The following EPS15 variants were observed in gnomAD, a reference collection of about 807,000 sequenced individuals.
EPS15 encodes the protein epidermal growth factor receptor substrate 15.
EPS15 carries 72 observed loss-of-function variants against 113.8 expected under a neutral mutation model. The ratio of observed to expected loss-of-function variants is 0.63; its 90% confidence interval spans 0.52 to 0.77. EPS15 has a LOEUF of 0.77. Ranked by LOEUF, EPS15 falls within the 30% of genes least tolerant of loss-of-function variation. The pLI is 0.00. For synonymous variants in EPS15, 344 were observed against 363.4 expected, an observed-to-expected ratio of 0.95 and a Z score of 0.61; for missense variants, 1,048 against 1,045.8, an observed-to-expected ratio of 1.00 and a Z score of -0.03.
At chr1:51,415,796 CAAAAAAAAAAAAA>C (rs55806131) in intron 13 of EPS15, among the ~76,000 whole-genome samples, 25 of 21,968 alleles carry the variant, frequency 1.1e-3, no homozygotes, top group African/African-American at 3.9e-3. Flanking sequence ...AACTCCGTCT[CAAAAAAAAAAAAA>C]AAAAAAAAAA....
intron 1 of EPS15, among the ~76,000 whole-genome samples, chr1:51,481,638 C>A (rs1213236134): frequency 6.6e-6 from 1 of 152,152 alleles, no homozygotes; most frequent in Admixed American, 6.5e-5. Context: ...TCTCTAAAGC[C>A]AGTTGAGAGG....
intron 2 of EPS15, among the ~76,000 whole-genome samples, chr1:51,479,541 A>G (rs1643982126): frequency 6.6e-6 from 1 of 151,692 alleles, no homozygotes; most frequent in Non-Finnish European, 1.5e-5. Context: ...AGGTGCTCTG[A>G]TTTTTAGAAT....
chr1:51,450,825 T>C (rs116401517), intron 8 of EPS15, among the ~76,000 whole-genome samples: 4,835 of 151,994 alleles, frequency 0.032, 136 homozygotes, highest in Non-Finnish European at 0.05. Flanking sequence ...TAAAAAATTA[T>C]GGTATACTCT....
Position 51,405,983 on chromosome 1 carries a change from G to A in EPS15, c.1599C>T (p.Ser533=). 8 of 1,614,162 alleles carry A rather than the reference G, an allele frequency of 5.0e-6. No homozygotes were observed. Among genetic ancestry groups the A allele is most frequent in the Non-Finnish European group, 6.8e-6 (8 of 1,180,018 alleles). The change falls in exon 16 of 25, where the codon AGC becomes AGT. Residue 533 remains serine, a synonymous_variant. Transcript: ENST00000371733. The stretch of plus-strand genomic sequence containing the variant: ...GTTCATTAAGGTTGGCTGTTTCACT[G>A]CTGCTGGTGCTGAGGCTGCAATAAT... The part of the protein sequence containing the change: ...ATDYCSLSTS[S]SETANLNEHV...
chr1:51,450,860 A>G (rs1653489717), intron 8 of EPS15, among the ~76,000 whole-genome samples: 1 of 151,966 alleles, frequency 6.6e-6, no homozygotes, highest in South Asian at 2.1e-4. Flanking sequence ...AGGTAAAAAA[A>G]TTATTTTTAA....
chr1:51,386,960 T>C (rs1647095492), intron 21 of EPS15, among the ~76,000 whole-genome samples: 2 of 151,938 alleles, frequency 1.3e-5, no homozygotes, highest in African/African-American at 4.8e-5. Flanking sequence ...ATTCAGGAAA[T>C]ACAGAGAACG....
At chr1:51,396,294 GTACAGGC>G (rs1220064412) in intron 20 of EPS15, among the ~76,000 whole-genome samples, 1 of 152,188 alleles carries the variant, frequency 6.6e-6, no homozygotes, top group Non-Finnish European at 1.5e-5. Flanking sequence ...AAGTCACCAA[GTACAGGC>G]TGAGCATCCT....
chr1:51,500,436 C>T (rs545224342), intron 1 of EPS15, among the ~76,000 whole-genome samples: 30 of 152,276 alleles, frequency 2.0e-4, no homozygotes, highest in Non-Finnish European at 3.4e-4. Context: ...CATTTCTCCA[C>T]GTCTTCATCA....
chr1:51,494,533 C>T (rs1198999579), intron 1 of EPS15, among the ~76,000 whole-genome samples: 1 of 152,236 alleles, frequency 6.6e-6, no homozygotes, highest in Non-Finnish European at 1.5e-5. Context: ...TTCTTTGATG[C>T]TGCAGCTGAG....
chr1:51,461,153 TA>T lies in EPS15; in HGVS notation c.502-4del, dbSNP rs1557491936. 1 of 1,585,806 alleles carries T rather than the reference TA, an allele frequency of 6.3e-7. No individual in the cohort carries two copies. Among genetic ancestry groups the T allele is most frequent in the Non-Finnish European group, 8.7e-7 (1 of 1,154,572 alleles). Reference sequence around the variant, plus strand: ...TCAATATCACTCAACTCCCAAACCTTAAAAAGAGAATAATTGAAAAAAGATT... The same window carrying T: ...TCAATATCACTCAACTCCCAAACCTTAAAAGAGAATAATTGAAAAAAGATT... On this transcript the variant is annotated splice_region_variant and splice_polypyrimidine_tract_variant and intron_variant, in intron 7 of 24. Transcript: ENST00000371733.
chr1:51,426,837 C>CTCTCTCTATATATA (rs377211027), intron 12 of EPS15, among the ~76,000 whole-genome samples: 153 of 143,640 alleles, frequency 1.1e-3, no homozygotes, highest in African/African-American at 3.9e-3. Context: ...CTCTCTCTCT[C>CTCTCTCTATATATA]TATATATATA....
chr1:51,370,728 C>T (rs990222176), intron 21 of EPS15, among the ~76,000 whole-genome samples: 38 of 151,598 alleles, frequency 2.5e-4, no homozygotes, highest in Non-Finnish European at 4.0e-4. Flanking sequence ...TCAAGCAATT[C>T]TCCTGCCTCA....
intron 1 of EPS15, among the ~76,000 whole-genome samples, chr1:51,506,238 T>C (rs1362089996): frequency 2.0e-5 from 3 of 152,198 alleles, no homozygotes; most frequent in Non-Finnish European, 4.4e-5. Flanking sequence ...TTTTTGGAAT[T>C]GGTAGATGGC....
intron 1 of EPS15, among the ~76,000 whole-genome samples, chr1:51,482,110 C>T (rs958998759): frequency 2.0e-5 from 3 of 151,966 alleles, no homozygotes; most frequent in Non-Finnish European, 4.4e-5. Context: ...GTTGTGGCTG[C>T]GGTGAGCTGT....
Position 51,354,655 on chromosome 1 carries a change from A to G in EPS15, c.*2045T>C, listed in dbSNP as rs1646179643. Reference sequence around the variant, plus strand: ...TCAACAACATAAAATACCACAAACGACTCTAAGACATTCATCCTACACAAG... The same window carrying G: ...TCAACAACATAAAATACCACAAACGGCTCTAAGACATTCATCCTACACAAG... On this transcript the variant is annotated 3_prime_UTR_variant, in exon 25 of 25. Coordinates refer to ENST00000371733, the MANE Select transcript of EPS15 (RefSeq NM_001981.3). 5.4e-6 allele frequency: 1 copy of G among 184,412 alleles called. No homozygotes were observed. Among genetic ancestry groups the G allele is most frequent in the Non-Finnish European group, 1.2e-5 (1 of 86,820 alleles). 11.4% of individuals were successfully genotyped at this position (184,412 alleles called of 1,614,324 possible).
chr1:51,385,568 A>G (rs1647044048), intron 21 of EPS15, among the ~76,000 whole-genome samples: 1 of 152,210 alleles, frequency 6.6e-6, no homozygotes, highest in Non-Finnish European at 1.5e-5. Context: ...TTATACCCAA[A>G]AGAACTGAAA....
chr1:51,446,856 G>A, intron 10 of EPS15, 104 bp downstream of exon 10: 1 of 964,456 alleles, frequency 1.0e-6, no homozygotes, highest in Non-Finnish European at 1.5e-6. Context: ...AAAAAATTCT[G>A]AAACAAAAAC....
intron 12 of EPS15, among the ~76,000 whole-genome samples, chr1:51,440,098 G>A (rs1039324801): frequency 6.6e-6 from 1 of 151,892 alleles, no homozygotes; most frequent in African/African-American, 2.4e-5. Context: ...ACTTTTCAGT[G>A]GTACATAAGT....
intron 21 of EPS15, among the ~76,000 whole-genome samples, chr1:51,376,653 G>T (rs1646807116): frequency 6.6e-6 from 1 of 151,984 alleles, no homozygotes; most frequent in Non-Finnish European, 1.5e-5. Flanking sequence ...AACAGAGGGA[G>T]ACTGTCTCAA....
Sources: gnomAD v4.1 joint callset for allele counts (sites outside exome capture counted in the v4.1 genomes callset) on GRCh38, gnomAD v4.1.1 for gene constraint, MANE v1.5 for transcripts, NCBI Gene and HGNC (gene_info 2026-07-23, HGNC 2026-07-21) for gene names.